IQCH: variants seen among roughly 807,000 people sequenced by gnomAD.
IQCH encodes IQ motif containing H.
In IQCH, 98 loss-of-function variants were observed where a neutral mutation model predicts 117.0. That is an observed-to-expected ratio of 0.84 (90% CI 0.71 to 0.99). IQCH has a LOEUF of 0.99. IQCH is among the 50% of genes least tolerant of loss of function. IQCH has a pLI of 0.00. For synonymous variants in IQCH, 412 were observed against 448.2 expected (o/e 0.92, Z 1.02); for missense variants, 1,102 against 1,243.8 (o/e 0.89, Z 1.72).
At chr15:67,437,474 C>A (rs565868385) in intron 16 of IQCH, among the ~76,000 whole-genome samples, 1 of 152,118 alleles carries the variant, frequency 6.6e-6, no homozygotes, top group South Asian at 2.1e-4. Flanking sequence ...GAAAACCAAC[C>A]CTGGTAATAT....
At chr15:67,434,072 A>ATG (rs58580724) in intron 16 of IQCH, among the ~76,000 whole-genome samples, 21,161 of 151,416 alleles carry the variant, frequency 0.14, 1,647 homozygotes, top group East Asian at 0.21. Context: ...TCTCACTTGG[A>ATG]TGTGTGTGTG....
At chr15:67,293,587 C>T (rs1175507134) in intron 4 of IQCH, among the ~76,000 whole-genome samples, 1 of 150,828 alleles carries the variant, frequency 6.6e-6, no homozygotes, top group Non-Finnish European at 1.5e-5. Flanking sequence ...GGTACAGATA[C>T]ATTTTTTAAA....
chr15:67,320,150 C>T (rs1233947270), intron 4 of IQCH, among the ~76,000 whole-genome samples: 1 of 152,142 alleles, frequency 6.6e-6, no homozygotes, highest in African/African-American at 2.4e-5. Context: ...GGAAGGGATG[C>T]CAAATTAAAT....
At chr15:67,334,340 C>CT (rs1968798645) in intron 4 of IQCH, among the ~76,000 whole-genome samples, 1 of 152,146 alleles carries the variant, frequency 6.6e-6, no homozygotes, top group South Asian at 2.1e-4. Context: ...CAGTCTCAAT[C>CT]TACCTTTCCA....
chr15:67,272,741 C>T (rs34667215), intron 3 of IQCH, among the ~76,000 whole-genome samples: 2,874 of 152,234 alleles, frequency 0.019, 38 homozygotes, highest in Non-Finnish European at 0.027. Context: ...TATAATTACT[C>T]CTCTTTTTGA....
Position 67,417,193 on chromosome 15 carries a change from T to C in IQCH, c.2218+142T>C. On this transcript the variant is annotated intron_variant, in intron 15 of 20. Coordinates refer to ENST00000335894, the MANE Select transcript of IQCH (RefSeq NM_001031715.3). The surrounding 1 kb of genome is among the most constrained non-coding windows in gnomAD (Gnocchi z 4.3). The stretch of plus-strand genomic sequence containing the variant: ...TGCTCCTACGGTTTTCTTTTTCAAA[T>C]GTTGCCTAAATATTTATCTTACACC... The C allele has an allele frequency of 3.3e-6, 2 of 604,282 alleles. No homozygotes were observed. Among genetic ancestry groups the C allele is most frequent in the Non-Finnish European group, 5.2e-6 (2 of 384,894 alleles). The allele number at this position is 604,282 out of a possible 1,614,324, so 37.4% of individuals were successfully genotyped here.
rs1426749829 is a variant in IQCH, at chr15:67,496,926, G to A, written c.2970+2560G>A. 1.3e-5 allele frequency among the ~76,000 whole-genome samples: 2 copies of A among 149,622 alleles called. No individual in the cohort carries two copies. Among genetic ancestry groups the A allele is most frequent in the African/African-American group, 2.5e-5 (1 of 40,696 alleles). On this transcript the variant is annotated intron_variant, in intron 20 of 20. Transcript: ENST00000335894. This position sits in a 1 kb window ranked among gnomAD's most constrained non-coding sequence, Gnocchi z 4.4. ...CCAGCTACTCGGGAGGCTGAGGCAG[G>A]AGAATGGCGTGAACCCGGGAAGCGG...
chr15:67,372,065 A>G (rs1970552268), intron 8 of IQCH, 46 bp from the exon 9 acceptor site: 20 of 1,486,722 alleles, frequency 1.3e-5, no homozygotes, highest in Non-Finnish European at 1.7e-5. Flanking sequence ...TTTAAAGGAG[A>G]TCATAATATC....
At chr15:67,351,849 T>C (rs1367646325) in intron 6 of IQCH, among the ~76,000 whole-genome samples, 3 of 152,176 alleles carry the variant, frequency 2.0e-5, no homozygotes, top group East Asian at 1.9e-4. Context: ...TTTTAATCTT[T>C]CTGTAGCAAT....
chr15:67,417,042 C>T lies in IQCH; in HGVS notation c.2209C>T (p.Leu737Phe). The T allele has an allele frequency of 6.2e-7, 1 of 1,607,908 alleles. No individual in the cohort carries two copies. Among genetic ancestry groups the T allele is most frequent in the Non-Finnish European group, 8.5e-7 (1 of 1,177,254 alleles). The change falls in exon 15 of 21, where the codon CTC becomes TTC. Residue 737 changes from leucine to phenylalanine, a missense_variant. This residue lies in a region of IQCH where 650 missense variants were observed against 794.3 expected (regional missense o/e 0.82). Transcript: ENST00000335894. The surrounding 1 kb of genome is among the most constrained non-coding windows in gnomAD (Gnocchi z 4.3). ...PTWRKFLQTFLSQGGVIEAFP... is the reference protein window; with the variant it reads ...PTWRKFLQTFFSQGGVIEAFP... ...GTGGAGGAAATTCCTCCAAACATTTCTCAGTCAAGGTAAATAAGACTGTAA... is the reference window on the plus strand; with the variant it reads ...GTGGAGGAAATTCCTCCAAACATTTTTCAGTCAAGGTAAATAAGACTGTAA...
At position 67,496,910 on chromosome 15, in the gene IQCH, C is replaced by T. The variant is rs1444604579; in HGVS notation, c.2970+2544C>T. On this transcript the variant is annotated intron_variant, in intron 20 of 20. Coordinates refer to ENST00000335894, the MANE Select transcript of IQCH (RefSeq NM_001031715.3). The surrounding 1 kb of genome is among the most constrained non-coding windows in gnomAD (Gnocchi z 4.4). ...GCGGGCGCCTGTAGTCCCAGCTACTCGGGAGGCTGAGGCAGGAGAATGGCG... is the reference window on the plus strand; with the variant it reads ...GCGGGCGCCTGTAGTCCCAGCTACTTGGGAGGCTGAGGCAGGAGAATGGCG... Among the ~76,000 whole-genome samples the T allele has an allele frequency of 6.8e-5, 10 of 147,378 alleles. No homozygotes were observed. Among genetic ancestry groups the T allele is most frequent in the African/African-American group, 2.3e-4 (9 of 39,882 alleles).
At chr15:67,343,195 C>T (rs1327069627) in intron 5 of IQCH, among the ~76,000 whole-genome samples, 2 of 152,146 alleles carry the variant, frequency 1.3e-5, no homozygotes, top group Non-Finnish European at 2.9e-5. Flanking sequence ...CTTAGGCCAA[C>T]TTGAATACAC....
intron 4 of IQCH, among the ~76,000 whole-genome samples, chr15:67,298,881 A>T (rs1463974054): frequency 6.6e-6 from 1 of 152,126 alleles, no homozygotes; most frequent in African/African-American, 2.4e-5. Flanking sequence ...CAACAACAAC[A>T]ACTAAAAATA....
At chr15:67,262,985 C>T (rs1414136605) in intron 2 of IQCH, 137 bp from the exon 3 acceptor site, 13 of 641,252 alleles carry the variant, frequency 2.0e-5, no homozygotes, top group Non-Finnish European at 3.6e-5. Flanking sequence ...CCTAATGATA[C>T]CTTAGGCACG....
rs778029271 is a variant in IQCH, at chr15:67,475,745, G to A, written c.2726G>A (p.Ser909Asn). The part of the protein sequence containing the change: ...YAVMTTQLRH[S>N]NLSLVFHYVF... ...GTGATGACCACCCAGCTAAGACACA[G>A]CAATCTCTCACTGGTTTTCCACTAT... is the stretch of plus-strand genomic sequence containing the variant. The change falls in exon 18 of 21, where the codon AGC (serine) becomes AAC (asparagine). Residue 909 changes from serine (S) to asparagine (N), a missense_variant. Ser to Asn is a conservative substitution (Grantham distance 46). Coordinates refer to ENST00000335894, the MANE Select transcript of IQCH (RefSeq NM_001031715.3). The surrounding 1 kb of genome is among the most constrained non-coding windows in gnomAD (Gnocchi z 5.7). 6.2e-7 allele frequency: 1 copy of A among 1,614,088 alleles called. No individual in the cohort carries two copies. The highest frequency in any genetic ancestry group is 2.2e-5 in the East Asian group (1 of 44,886).
chr15:67,259,583 G>T (rs189271038), intron 1 of IQCH, among the ~76,000 whole-genome samples: 69 of 152,316 alleles, frequency 4.5e-4, no homozygotes, highest in Middle Eastern at 3.4e-3. Context: ...CAAGGCAGGT[G>T]AAAAGAAAAC....
At chr15:67,487,685 G>A (rs989198661) in intron 18 of IQCH, among the ~76,000 whole-genome samples, 10 of 151,970 alleles carry the variant, frequency 6.6e-5, no homozygotes, top group Admixed American at 3.9e-4. Flanking sequence ...GGTATTAGAC[G>A]ACTCTAATGT....
rs748569598 is a variant in IQCH at position 67,342,947 on chromosome 15, A to G, written c.509-1116A>G. ...TGGGGCCCAGGCATCTCCGCTTTTA[A>G]TAACAAATTCTTCTCCTAAATGATT... On this transcript the variant is annotated intron_variant, in intron 5 of 20. Coordinates refer to ENST00000335894, the MANE Select transcript of IQCH (RefSeq NM_001031715.3). This position sits in a 1 kb window ranked among gnomAD's most constrained non-coding sequence, Gnocchi z 4.7. 2.6e-5 allele frequency among the ~76,000 whole-genome samples: 4 copies of G among 152,152 alleles called. No individual in the cohort carries two copies. Among genetic ancestry groups the G allele is most frequent in the Non-Finnish European group, 4.4e-5 (3 of 68,032 alleles).
Position 67,413,071 on chromosome 15 carries a change from GT to G in IQCH, c.2098-3859del, listed in dbSNP as rs1320546026. ...TTGGAGTGTTTGTCTGTTATGGAAGGTGTGTGTGTGTGTGTGTGTGTGTGTG... is the reference window on the plus strand; with the variant it reads ...TTGGAGTGTTTGTCTGTTATGGAAGGGTGTGTGTGTGTGTGTGTGTGTGTG... On this transcript the variant is annotated intron_variant, in intron 14 of 20. Transcript: ENST00000335894. The surrounding 1 kb of genome is among the most constrained non-coding windows in gnomAD (Gnocchi z 5.0). 7.6e-5 allele frequency among the ~76,000 whole-genome samples: 5 copies of G among 66,150 alleles called. No individual in the cohort carries two copies. The highest frequency in any genetic ancestry group is 5.3e-4 in the African/African-American group (4 of 7,568). The allele number at this position is 66,150 out of a possible 152,430, so 43.4% of individuals were successfully genotyped here.
Sources: gnomAD v4.1 joint callset for allele counts (sites outside exome capture counted in the v4.1 genomes callset) on GRCh38, gnomAD v4.1.1 for gene constraint, gnomAD v4.1.1 regional missense constraint, Gnocchi (gnomAD v3.1) non-coding constraint, MANE v1.5 for transcripts, NCBI Gene and HGNC (gene_info 2026-07-23, HGNC 2026-07-21) for gene names.